Variants in POLR2H observed in about 807,000 individuals in gnomAD.
POLR2H encodes the protein RNA polymerase II, I and III subunit H, also known as DNA-directed RNA polymerases I, II, and III subunit RPABC3.
In POLR2H, 3 loss-of-function variants were observed where a neutral mutation model predicts 18.1. That is an observed-to-expected ratio of 0.17 (90% CI 0.08 to 0.43). The LOEUF (loss-of-function observed/expected upper bound fraction) is 0.43, where lower values mean the gene tolerates loss of function less well. Ranked by LOEUF, POLR2H falls within the 20% of genes least tolerant of loss-of-function variation. POLR2H has a pLI of 0.99. For missense variants in POLR2H, 103 were observed against 184.6 expected (o/e 0.56, Z 2.56); for synonymous variants, 76 against 69.0 (o/e 1.10, Z -0.50).
rs768584467 is a variant in POLR2H at position 184,365,244 on chromosome 3, G to A, written c.251+18G>A. On this transcript the variant is annotated intron_variant, in intron 4 of 5. Coordinates refer to ENST00000456318, the MANE Select transcript of POLR2H (RefSeq NM_006232.5). ...CCTTCCAGGTGAGGGAGTGGAGAAGGTAATACTTGAAATATGCCTTGAGGA... is the reference window on the plus strand; with the variant it reads ...CCTTCCAGGTGAGGGAGTGGAGAAGATAATACTTGAAATATGCCTTGAGGA... The A allele has an allele frequency of 8.3e-6, 12 of 1,446,468 alleles. No individual in the cohort carries two copies. Among genetic ancestry groups the A allele is most frequent in the Middle Eastern group, 1.7e-4 (1 of 5,716 alleles). The allele number at this position is 1,446,468 out of a possible 1,614,324, so 89.6% of individuals were successfully genotyped here.
intron 5 of POLR2H, among the ~76,000 whole-genome samples, chr3:184,367,477 C>A (rs964794969): frequency 7.0e-6 from 1 of 142,584 alleles, no homozygotes; most frequent in African/African-American, 2.6e-5. Context: ...TAAAGCTTTT[C>A]TTTTCTTTTC....
intron 3 of POLR2H, 32 bp downstream of exon 3, chr3:184,365,081 CT>C: frequency 6.3e-7 from 1 of 1,578,348 alleles, no homozygotes. Context: ...TAATAAGAGA[CT>C]TTTTGCTGCT....
intron 5 of POLR2H, among the ~76,000 whole-genome samples, chr3:184,367,171 G>GTGTGTGTGTT (rs1491302409): frequency 1.2e-5 from 1 of 85,070 alleles, no homozygotes; most frequent in Non-Finnish European, 2.9e-5. Flanking sequence ...GTGTGTGTGT[G>GTGTGTGTGTT]GCTACTCTGT....
At chr3:184,368,010 G>A (rs765426187) in intron 5 of POLR2H, 167 bp from the exon 6 acceptor site, 24 of 923,778 alleles carry the variant, frequency 2.6e-5, no homozygotes, top group Non-Finnish European at 3.8e-5. Context: ...TGTTTCTTAG[G>A]CTGAGATGGA....
At chr3:184,365,690 C>T (rs1268360536) in intron 4 of POLR2H, among the ~76,000 whole-genome samples, 6 of 148,990 alleles carry the variant, frequency 4.0e-5, no homozygotes, top group East Asian at 2.0e-4. Flanking sequence ...GAAAAAAATT[C>T]GGGCCGGGCG....
intron 2 of POLR2H, 41 bp from the exon 3 acceptor site, chr3:184,364,925 C>T (rs771924219): frequency 7.2e-7 from 1 of 1,379,594 alleles, no homozygotes; most frequent in South Asian, 1.2e-5. Context: ...TAGGATCTGC[C>T]TTGGCAATAC....
chr3:184,364,810 C>G (rs1712951131), intron 2 of POLR2H, 156 bp from the exon 3 acceptor site: 1 of 594,654 alleles, frequency 1.7e-6, no homozygotes, highest in Admixed American at 3.1e-5. Context: ...TTCCTTCTTG[C>G]ATATCTGGTT....
intron 5 of POLR2H, 30 bp from the exon 6 acceptor site, chr3:184,368,147 A>G (rs758448560): frequency 1.1e-4 from 176 of 1,613,892 alleles, no homozygotes; most frequent in Non-Finnish European, 1.5e-4. Context: ...GCAGTGCTCC[A>G]GAATCACGGG....
Position 184,364,295 on chromosome 3 carries a change from T to C in POLR2H, c.74-671T>C, listed in dbSNP as rs111941323. On this transcript the variant is annotated intron_variant, in intron 2 of 5. Transcript: ENST00000456318. Reference sequence around the variant, plus strand: ...CCCAGGCTGGAGTGTAGTGGCACGATTTTAGCTCACCACAACCTCCGTCTC... The same window carrying C: ...CCCAGGCTGGAGTGTAGTGGCACGACTTTAGCTCACCACAACCTCCGTCTC... Among the ~76,000 whole-genome samples, 553 of 152,078 alleles carry C rather than the reference T, an allele frequency of 3.6e-3. 1 individual carries two copies. The highest frequency in any genetic ancestry group is 6.8e-3 in the Middle Eastern group (2 of 294).
intron 4 of POLR2H, 56 bp from the exon 5 acceptor site, chr3:184,366,661 G>T: frequency 9.3e-7 from 1 of 1,077,014 alleles, no homozygotes; most frequent in South Asian, 1.3e-5. Flanking sequence ...TTTTAAATGG[G>T]ATCTTTTATA....
chr3:184,364,912 C>A (rs1474703886), intron 2 of POLR2H, 54 bp from the exon 3 acceptor site: 3 of 1,187,748 alleles, frequency 2.5e-6, no homozygotes, highest in African/African-American at 1.5e-5. Context: ...CAATCCCACA[C>A]TGTAGGATCT....
intron 4 of POLR2H, 157 bp from the exon 5 acceptor site, chr3:184,366,560 G>A (rs1444935015): frequency 4.4e-5 from 22 of 499,036 alleles, no homozygotes; most frequent in Admixed American, 2.9e-4. Context: ...GGATGGTCTC[G>A]ATCTCCTGAC....
At position 184,365,177 on chromosome 3, in the gene POLR2H, G is replaced by T; in HGVS notation, c.202G>T (p.Gly68Cys). The T allele has an allele frequency of 6.2e-7, 1 of 1,613,574 alleles. No homozygotes were observed. Among genetic ancestry groups the T allele is most frequent in the South Asian group, 1.1e-5 (1 of 91,068 alleles). The change falls in exon 4 of 6, where the codon GGT becomes TGT. Residue 68 changes from glycine (G) to cysteine (C), a missense_variant. Gly to Cys is a radical substitution (Grantham distance 159). Transcript: ENST00000456318. The part of the protein sequence containing the change: ...LVIASTLYED[G>C]TLDDGEYNPT... ...CATAGCTAGTACCTTGTATGAAGAT[G>T]GTACCCTGGATGATGGTGAATACAA...
chr3:184,363,584 G>A lies in POLR2H; in HGVS notation c.73+19G>A. 1 of 1,607,366 alleles carries A rather than the reference G, an allele frequency of 6.2e-7. No individual in the cohort carries two copies. Among genetic ancestry groups the A allele is most frequent in the Non-Finnish European group, 8.5e-7 (1 of 1,174,200 alleles). On this transcript the variant is annotated intron_variant, in intron 2 of 5. Coordinates refer to ENST00000456318, the MANE Select transcript of POLR2H (RefSeq NM_006232.5). ...GACCGAGGTAAGTAAGGTATGTAGG[G>A]GCGGTTTGGAGGAAGAGGCTAACCT...
chr3:184,368,582 G>A lies in POLR2H; in HGVS notation c.*288G>A, dbSNP rs947714495. 1.1e-5 allele frequency: 3 copies of A among 279,250 alleles called. No homozygotes were observed. The highest frequency in any genetic ancestry group is 2.0e-5 in the Non-Finnish European group (3 of 149,238). 17.3% of individuals were successfully genotyped at this position (279,250 alleles called of 1,614,324 possible). On this transcript the variant is annotated 3_prime_UTR_variant, in exon 6 of 6. Transcript: ENST00000456318. ...TAAAAAGTCCATTTACTGTAAAATC[G>A]TTTTTTCCAGTTTGTCTGTGGTGTA...
Position 184,363,042 on chromosome 3 carries a change from G to A in POLR2H, c.-451G>A. The A allele has an allele frequency of 4.6e-6, 1 of 218,262 alleles. No homozygotes were observed. The highest frequency in any genetic ancestry group is 9.4e-6 in the Non-Finnish European group (1 of 106,232). The allele number at this position is 218,262 out of a possible 1,614,324, so 13.5% of individuals were successfully genotyped here. ...CTCGGCGCGGACTGTGCCCTCGGCG[G>A]GCACGCGGACCGGCGGGGTAGGGCT... On this transcript the variant is annotated 5_prime_UTR_variant, in exon 2 of 6. Transcript: ENST00000456318.
intron 5 of POLR2H, among the ~76,000 whole-genome samples, chr3:184,367,134 T>C (rs1713442655): frequency 7.1e-6 from 1 of 140,250 alleles, no homozygotes; most frequent in Non-Finnish European, 1.5e-5. Context: ...GTTTTGCTAC[T>C]CTGTAAAAGG....
In POLR2H at chr3:184,363,378, G is replaced by A. The variant is rs1221126587; in HGVS notation, c.-115G>A. 2.3e-6 allele frequency: 2 copies of A among 856,726 alleles called. No homozygotes were observed. The highest frequency in any genetic ancestry group is 3.9e-6 in the Non-Finnish European group (2 of 514,948). 53.1% of individuals were successfully genotyped at this position (856,726 alleles called of 1,614,324 possible). ...CATGCGCCACTCTCGTCTGGCCGCCGCGCTTTCAGGAGGTGCTTTTGGTTC... is the reference window on the plus strand; with the variant it reads ...CATGCGCCACTCTCGTCTGGCCGCCACGCTTTCAGGAGGTGCTTTTGGTTC... On this transcript the variant is annotated 5_prime_UTR_variant, in exon 2 of 6. Coordinates refer to ENST00000456318, the MANE Select transcript of POLR2H (RefSeq NM_006232.5).
intron 4 of POLR2H, chr3:184,366,504 A>AT (rs1241728215): frequency 2.0e-5 from 7 of 349,618 alleles, no homozygotes; most frequent in Admixed American, 4.4e-5. Flanking sequence ...CGCCCGGCTA[A>AT]TTTTTTTGTA....
Sources: gnomAD v4.1 joint callset for allele counts (sites outside exome capture counted in the v4.1 genomes callset) on GRCh38, gnomAD v4.1.1 for gene constraint, MANE v1.5 for transcripts, NCBI Gene and HGNC (gene_info 2026-07-23, HGNC 2026-07-21) for gene names.